Variants in RPH3A observed in about 807,000 individuals in gnomAD.
The protein encoded by RPH3A is rabphilin 3A.
Under a neutral mutation model 102.2 loss-of-function variants are expected in RPH3A, and 48 were observed. The ratio of observed to expected loss-of-function variants is 0.47; its 90% CI spans 0.37 to 0.60. RPH3A has a LOEUF of 0.60. Among genes scored for constraint, RPH3A ranks in the 20% least tolerant of loss-of-function variants. The probability of loss-of-function intolerance (pLI) is 0.00; values close to 1 mark genes in which losing one functional copy is unlikely to be tolerated. For synonymous variants in RPH3A, 310 were observed against 324.3 expected (o/e 0.96, Z 0.47); for missense variants, 781 against 910.1 (o/e 0.86, Z 1.83).
intron 13 of RPH3A, among the ~76,000 whole-genome samples, chr12:112,878,148 G>A (rs960002260): frequency 6.6e-6 from 1 of 152,170 alleles, no homozygotes; most frequent in Non-Finnish European, 1.5e-5. Context: ...TCAGGAGAAA[G>A]GAGAGGAGTC....
At chr12:112,692,421 C>T (rs570905477) in intron 1 of RPH3A, among the ~76,000 whole-genome samples, 11 of 152,072 alleles carry the variant, frequency 7.2e-5, no homozygotes, top group South Asian at 6.2e-4. Context: ...TTATATATCC[C>T]GTAAATATGT....
chr12:112,737,288 G>A (rs1447858471), intron 1 of RPH3A, among the ~76,000 whole-genome samples: 4 of 152,042 alleles, frequency 2.6e-5, no homozygotes, highest in Non-Finnish European at 5.9e-5. Flanking sequence ...GGACCAGACT[G>A]TTTGAGTTGG....
Position 112,815,773 on chromosome 12 carries a change from T to G in RPH3A, c.-18-12528T>G, listed in dbSNP as rs113699194. On this transcript the variant is annotated intron_variant, in intron 2 of 21. Coordinates refer to ENST00000389385, the MANE Select transcript of RPH3A (RefSeq NM_001143854.2). ...GAGACCTGTCTAATCACATTTTCTG[T>G]GTGGGGCCAGTGTGTCTGTGTGTGC... is the stretch of plus-strand genomic sequence containing the variant. Among the ~76,000 whole-genome samples the G allele has an allele frequency of 1.1e-4, 17 of 152,350 alleles. 1 individual carries two copies. Among genetic ancestry groups the G allele is most frequent in the African/African-American group, 3.8e-4 (16 of 41,578 alleles).
intron 2 of RPH3A, among the ~76,000 whole-genome samples, chr12:112,822,483 A>C (rs1050919886): frequency 1.3e-5 from 2 of 152,096 alleles, no homozygotes; most frequent in Admixed American, 1.3e-4. Context: ...ATTTTGGGGG[A>C]TGGAACCACT....
chr12:112,721,080 C>T (rs1169677026), intron 1 of RPH3A, among the ~76,000 whole-genome samples: 3 of 152,198 alleles, frequency 2.0e-5, no homozygotes, highest in Non-Finnish European at 4.4e-5. Context: ...ATCCACACTT[C>T]AGTATTGTTG....
At chr12:112,609,799 G>T (rs1391149589) in intron 1 of RPH3A, among the ~76,000 whole-genome samples, 1 of 152,126 alleles carries the variant, frequency 6.6e-6, no homozygotes, top group Non-Finnish European at 1.5e-5. Flanking sequence ...AACATAACCA[G>T]CCCCACTTTC....
chr12:112,716,157 G>A (rs189290874), intron 1 of RPH3A, among the ~76,000 whole-genome samples: 8 of 152,218 alleles, frequency 5.3e-5, no homozygotes, highest in East Asian at 1.9e-4. Context: ...CCCTTACCGC[G>A]TGCAGTTTTA....
intron 1 of RPH3A, among the ~76,000 whole-genome samples, chr12:112,631,502 A>G (rs901232617): frequency 1.3e-5 from 2 of 151,944 alleles, no homozygotes; most frequent in South Asian, 4.2e-4. Context: ...AAAGTGTATA[A>G]ATTTATTTTC....
At chr12:112,841,712 T>TTTG (rs796641859) in intron 4 of RPH3A, among the ~76,000 whole-genome samples, 1 of 151,008 alleles carries the variant, frequency 6.6e-6, no homozygotes, top group African/African-American at 2.4e-5. Flanking sequence ...TTTTGGTTTT[T>TTTG]TTTTTTTTTC....
intron 1 of RPH3A, among the ~76,000 whole-genome samples, chr12:112,641,116 A>G (rs2039886909): frequency 6.6e-6 from 1 of 152,260 alleles, no homozygotes; most frequent in Non-Finnish European, 1.5e-5. Flanking sequence ...CATGATAAAC[A>G]TCTGATTGCA....
intron 1 of RPH3A, among the ~76,000 whole-genome samples, chr12:112,604,029 G>T (rs2039576927): frequency 6.6e-6 from 1 of 152,188 alleles, no homozygotes; most frequent in Admixed American, 6.5e-5. Context: ...CCCAAGGTAG[G>T]CAAAGTTCTA....
intron 1 of RPH3A, among the ~76,000 whole-genome samples, chr12:112,639,291 G>T (rs1403373127): frequency 2.6e-5 from 4 of 152,128 alleles, no homozygotes; most frequent in Non-Finnish European, 5.9e-5. Flanking sequence ...TCTATAAAAA[G>T]CCCCACAAAG....
In RPH3A at chr12:112,876,859, T is replaced by C; in HGVS notation, c.1164T>C (p.Asp388=). 1 of 1,597,964 alleles carries C rather than the reference T, an allele frequency of 6.3e-7. No individual in the cohort carries two copies. The highest frequency in any genetic ancestry group is 8.5e-7 in the Non-Finnish European group (1 of 1,171,008). ...AGGAAGCCAACAGCTACGATTCGGA[T>C]GAAGCAAGTAGGTGGTGCCTAAGGG... ...EEEEANSYDS[D]EATTLGALEF... The change falls in exon 13 of 22, where the codon GAT becomes GAC. Residue 388 remains aspartate (D), a synonymous_variant. Coordinates refer to ENST00000389385, the MANE Select transcript of RPH3A (RefSeq NM_001143854.2).
Position 112,868,508 on chromosome 12 carries a change from A to G in RPH3A, c.523A>G (p.Thr175Ala). The G allele has an allele frequency of 6.2e-7, 1 of 1,614,074 alleles. No individual in the cohort carries two copies. Among genetic ancestry groups the G allele is most frequent in the East Asian group, 2.2e-5 (1 of 44,884 alleles). ...VLPQPMPIKK[T>A]KPQQPVSEPA... Reference sequence around the variant, plus strand: ...CCCACAGCCTATGCCTATAAAGAAGACCAAGCCCCAGCAGCCTGTCAGTGA... The same window carrying G: ...CCCACAGCCTATGCCTATAAAGAAGGCCAAGCCCCAGCAGCCTGTCAGTGA... The change falls in exon 8 of 22, where the codon ACC (threonine) becomes GCC (alanine). Residue 175 changes from threonine (T) to alanine (A), a missense_variant. Physicochemically the swap from Thr to Ala is moderately conservative, Grantham distance 58. This residue lies in a region of RPH3A where 730 missense variants were observed against 810.0 expected (regional missense o/e 0.90). Transcript: ENST00000389385.
In RPH3A at chr12:112,896,880, C is replaced by G; in HGVS notation, c.*100C>G. 7.4e-7 allele frequency: 1 copy of G among 1,360,000 alleles called. No individual in the cohort carries two copies. The highest frequency in any genetic ancestry group is 1.0e-6 in the Non-Finnish European group (1 of 981,202). 84.2% of individuals were successfully genotyped at this position (1,360,000 alleles called of 1,614,324 possible). On this transcript the variant is annotated 3_prime_UTR_variant, in exon 22 of 22. Transcript: ENST00000389385. ...TCTCTTCTCTATGCCTACCTCCCCC[C>G]ATACCCTGCTGATCTCCCTGAGCCT...
chr12:112,898,382 CT>C lies in RPH3A; in HGVS notation c.*1603del, dbSNP rs2043220574. On this transcript the variant is annotated 3_prime_UTR_variant, in exon 22 of 22. Coordinates refer to ENST00000389385, the MANE Select transcript of RPH3A (RefSeq NM_001143854.2). ...CCAGTCATCCCAAACCCCTGACATT[CT>C]CTACAGAAGCATCAGACAGATACTC... The C allele has an allele frequency of 6.6e-6, 1 of 152,216 alleles. No homozygotes were observed. The highest frequency in any genetic ancestry group is 6.5e-5 in the Admixed American group (1 of 15,286). 9.4% of individuals were successfully genotyped at this position (152,216 alleles called of 1,614,324 possible).
chr12:112,784,253 T>A (rs2041028507), intron 1 of RPH3A, among the ~76,000 whole-genome samples: 1 of 152,216 alleles, frequency 6.6e-6, no homozygotes, highest in South Asian at 2.1e-4. Context: ...TGCTGTTCCT[T>A]ACTCTTCTTT....
chr12:112,878,839 A>T (rs1442501074), intron 13 of RPH3A, among the ~76,000 whole-genome samples: 6 of 152,232 alleles, frequency 3.9e-5, no homozygotes, highest in African/African-American at 1.2e-4. Flanking sequence ...AGCAGTCAAC[A>T]AGATAATCCC....
rs115283614 is a variant in RPH3A, at chr12:112,730,995, C to T, written c.-139-61148C>T. The stretch of plus-strand genomic sequence containing the variant: ...TGGCTGAACAGAAAGGGGGACATTG[C>T]ATTGCTATGAAATTCTCTGCAATTT... On this transcript the variant is annotated intron_variant, in intron 1 of 21. Transcript: ENST00000543106. Among the ~76,000 whole-genome samples, 940 of 152,316 alleles carry T rather than the reference C, an allele frequency of 6.2e-3. 11 individuals carry two copies. Among genetic ancestry groups the T allele is most frequent in the African/African-American group, 0.022 (906 of 41,556 alleles).
Sources: allele counts gnomAD v4.1 joint callset (sites outside exome capture counted in the v4.1 genomes callset), GRCh38; gene constraint gnomAD v4.1.1; regional missense constraint gnomAD v4.1.1; transcripts MANE v1.5; gene names NCBI Gene and HGNC (gene_info 2026-07-23, HGNC 2026-07-21).